SOX6: variants seen among roughly 807,000 people sequenced by gnomAD.
SOX6 encodes the protein transcription factor SOX-6.
A neutral mutation model predicts 97.8 loss-of-function variants in SOX6; 11 were observed. The ratio of observed to expected loss-of-function variants is 0.11; its 90% CI spans 0.07 to 0.19. The LOEUF (loss-of-function observed/expected upper bound fraction) is 0.19. Among genes scored for constraint, SOX6 ranks in the 10% least tolerant of loss-of-function variants. The pLI is 1.00. For missense variants in SOX6, 810 were observed against 1,039.5 expected, an observed-to-expected ratio of 0.78 and a Z score of 3.04; for synonymous variants, 360 against 371.4, an observed-to-expected ratio of 0.97 and a Z score of 0.35.
intron 3 of SOX6, among the ~76,000 whole-genome samples, chr11:16,250,961 T>C (rs1853491714): frequency 6.6e-6 from 1 of 152,140 alleles, no homozygotes; most frequent in Admixed American, 6.5e-5. Context: ...ATAGAGTGTA[T>C]GGCCTTTTAT....
intron 6 of SOX6, among the ~76,000 whole-genome samples, chr11:16,181,331 T>A (rs1489696448): frequency 6.6e-6 from 1 of 151,730 alleles, no homozygotes; most frequent in Non-Finnish European, 1.5e-5. Flanking sequence ...TTTAATATAT[T>A]TAATAATCTT....
At chr11:16,050,429 C>T (rs908593964) in intron 10 of SOX6, among the ~76,000 whole-genome samples, 1 of 152,106 alleles carries the variant, frequency 6.6e-6, no homozygotes, top group Non-Finnish European at 1.5e-5. Context: ...TGTACTAGGC[C>T]CCTGCCCAGG....
chr11:16,250,178 A>C (rs562845019), intron 3 of SOX6, among the ~76,000 whole-genome samples: 5 of 152,260 alleles, frequency 3.3e-5, no homozygotes, highest in Middle Eastern at 3.4e-3. Flanking sequence ...AGGACTGAGA[A>C]CCTTATTGTG....
At chr11:16,735,671 T>C (rs1416651696) in intron 2 of SOX6, among the ~76,000 whole-genome samples, 2 of 152,218 alleles carry the variant, frequency 1.3e-5, no homozygotes, top group African/African-American at 2.4e-5. Context: ...TTAACTTTTC[T>C]TAAGTTTAAT....
At position 16,300,845 on chromosome 11, in the gene SOX6, C is replaced by G. The variant is rs553363525; in HGVS notation, c.445+17601G>C. ...TAAAGCCTGTGGGTTTTGTTTTTCA[C>G]ATTATTTTGGCTCATCATCCAATAA... On this transcript the variant is annotated intron_variant, in intron 3 of 15. Transcript: ENST00000683767. This position sits in a 1 kb window ranked among gnomAD's most constrained non-coding sequence, Gnocchi z 4.1. Among the ~76,000 whole-genome samples, 95 of 152,320 alleles carry G rather than the reference C, an allele frequency of 6.2e-4. No individual in the cohort carries two copies. The highest frequency in any genetic ancestry group is 2.1e-3 in the African/African-American group (89 of 41,560).
intron 9 of SOX6, among the ~76,000 whole-genome samples, chr11:16,072,614 T>C (rs1848252220): frequency 6.6e-6 from 1 of 152,114 alleles, no homozygotes; most frequent in African/African-American, 2.4e-5. Flanking sequence ...TGAGATACTA[T>C]ACAAGATGAC....
At position 16,565,262 on chromosome 11, in the gene SOX6, G is replaced by T. The variant is rs146551173; in HGVS notation, n.609+46819C>A. Among the ~76,000 whole-genome samples, 8 of 152,222 alleles carry T rather than the reference G, an allele frequency of 5.3e-5. No homozygotes were observed. In the East Asian group the frequency reaches 1.5e-3, roughly 29 times the overall value. On this transcript the variant is annotated intron_variant and non_coding_transcript_variant, in intron 4 of 5. Transcript: ENST00000524520. ...TACTACAATTCACTCAATATGAAAT[G>T]ACATAGTTAATTTGAATAGCCCTAT...
chr11:16,238,143 T>C (rs937544313), intron 3 of SOX6, among the ~76,000 whole-genome samples: 5 of 152,102 alleles, frequency 3.3e-5, no homozygotes, highest in South Asian at 4.1e-4. Context: ...TAAATAATAA[T>C]GATTAAAAGA....
chr11:16,207,296 T>G (rs900551830), intron 4 of SOX6, among the ~76,000 whole-genome samples: 1 of 152,114 alleles, frequency 6.6e-6, no homozygotes, highest in Non-Finnish European at 1.5e-5. Context: ...CAGACAGCCC[T>G]CAAACTGATG....
chr11:16,680,616 C>G (rs766728801), intron 3 of SOX6, among the ~76,000 whole-genome samples: 3 of 152,148 alleles, frequency 2.0e-5, no homozygotes, highest in Non-Finnish European at 4.4e-5. Flanking sequence ...CAATATTAAC[C>G]TTAAATGTAA....
chr11:16,578,084 T>C (rs1407097322), intron 4 of SOX6, among the ~76,000 whole-genome samples: 1 of 152,182 alleles, frequency 6.6e-6, no homozygotes, highest in African/African-American at 2.4e-5. Context: ...CATGTTGGGT[T>C]AATTTTTTAT....
intron 4 of SOX6, among the ~76,000 whole-genome samples, chr11:16,501,801 G>C (rs1860713297): frequency 6.6e-6 from 1 of 152,164 alleles, no homozygotes; most frequent in Non-Finnish European, 1.5e-5. Flanking sequence ...TCATTGAAAA[G>C]TCAGGAAACA....
At chr11:16,512,525 T>C (rs1860896017) in intron 4 of SOX6, among the ~76,000 whole-genome samples, 1 of 152,228 alleles carries the variant, frequency 6.6e-6, no homozygotes, top group Non-Finnish European at 1.5e-5. Flanking sequence ...ATCTCATTAA[T>C]AATTGTGATT....
chr11:16,618,634 C>A (rs1848500902), intron 3 of SOX6, among the ~76,000 whole-genome samples: 1 of 151,686 alleles, frequency 6.6e-6, no homozygotes, highest in Non-Finnish European at 1.5e-5. Flanking sequence ...GTTTCGTATG[C>A]GGTCTTAAAA....
chr11:16,687,982 A>AT (rs1003938336), intron 3 of SOX6, among the ~76,000 whole-genome samples: 2 of 150,704 alleles, frequency 1.3e-5, no homozygotes, highest in African/African-American at 2.4e-5. Context: ...GGCTTTAATA[A>AT]TTTTTTTTGA....
At position 16,014,864 on chromosome 11, in the gene SOX6, A is replaced by G. The variant is rs531556298; in HGVS notation, c.1732+78T>C. ...AGTGATGACTCCTATGAAAAACTAT[A>G]AAGATCCTATATCTAGCTCAGACAC... On this transcript the variant is annotated intron_variant, in intron 13 of 15. Coordinates refer to ENST00000683767, the MANE Select transcript of SOX6 (RefSeq NM_001367873.1). 5.9e-6 allele frequency: 8 copies of G among 1,362,640 alleles called. No homozygotes were observed. The Admixed American group carries it at 8.8e-5, about 15-fold the overall frequency. The allele number at this position is 1,362,640 out of a possible 1,614,324, so 84.4% of individuals were successfully genotyped here. A position where few individuals can be genotyped will look rare whatever the true frequency, so the allele number is the denominator to read the frequency against.
Position 15,971,139 on chromosome 11 carries a change from G to T in SOX6, c.*1670C>A, listed in dbSNP as rs1004782324. On this transcript the variant is annotated 3_prime_UTR_variant, in exon 16 of 16. Transcript: ENST00000683767. The stretch of plus-strand genomic sequence containing the variant: ...GAGGAACTCATCTGCTGCCCCCGGA[G>T]CTATCTGTTCCCCAGAGTTAACAGT... 1 of 152,642 alleles carries T rather than the reference G, an allele frequency of 6.6e-6. No homozygotes were observed. The highest frequency in any genetic ancestry group is 1.5e-5 in the Non-Finnish European group (1 of 68,078). 9.5% of individuals were successfully genotyped at this position (152,642 alleles called of 1,614,324 possible).
chr11:16,302,118 C>T (rs1181297500), intron 3 of SOX6, among the ~76,000 whole-genome samples: 1 of 152,102 alleles, frequency 6.6e-6, no homozygotes, highest in African/African-American at 2.4e-5. Context: ...TTAGTACCTG[C>T]CTGGACCATT....
intron 7 of SOX6, among the ~76,000 whole-genome samples, chr11:16,111,521 TGA>T (rs1849228825): frequency 6.6e-6 from 1 of 152,142 alleles, no homozygotes; most frequent in Non-Finnish European, 1.5e-5. Flanking sequence ...AGTAAAAGTA[TGA>T]GAGAGAGCTG....
Sources: allele counts gnomAD v4.1 joint callset (sites outside exome capture counted in the v4.1 genomes callset), GRCh38; gene constraint gnomAD v4.1.1; non-coding constraint Gnocchi (gnomAD v3.1); transcripts MANE v1.5; gene names NCBI Gene and HGNC (gene_info 2026-07-23, HGNC 2026-07-21).